Variants in NAA16 observed in about 807,000 individuals in gnomAD.
NAA16 encodes N-alpha-acetyltransferase 16, NatA auxiliary subunit, also known as NARG1-like protein.
NAA16 carries 97 observed loss-of-function variants against 110.3 expected under a neutral mutation model. The ratio of observed to expected loss-of-function variants is 0.88; its 90% CI spans 0.75 to 1.04. The LOEUF (loss-of-function observed/expected upper bound fraction) is 1.04. Ranked by LOEUF, NAA16 falls within the 50% of genes least tolerant of loss-of-function variation. The pLI, the probability that NAA16 is intolerant of heterozygous loss-of-function variation, is 0.00. For missense variants in NAA16, 1,017 were observed against 1,005.1 expected (o/e 1.01, Z -0.16); for synonymous variants, 372 against 330.6 (o/e 1.13, Z -1.36).
At chr13:41,371,288 G>A (rs2043311787) in intron 15 of NAA16, among the ~76,000 whole-genome samples, 1 of 152,138 alleles carries the variant, frequency 6.6e-6, no homozygotes. Flanking sequence ...ACTGTTTTTT[G>A]ACTTTTATGA....
chr13:41,350,171 A>G (rs539632079), intron 9 of NAA16, among the ~76,000 whole-genome samples: 8 of 151,600 alleles, frequency 5.3e-5, no homozygotes, highest in Middle Eastern at 3.4e-3. Flanking sequence ...CTGAGGTGGG[A>G]GAACCACTTG....
rs755751802 is a variant in NAA16 at position 41,318,864 on chromosome 13, T to C, written c.198T>C (p.Tyr66=). 3 of 1,604,006 alleles carry C rather than the reference T, an allele frequency of 1.9e-6. No homozygotes were observed. Among genetic ancestry groups the C allele is most frequent in the East Asian group, 2.2e-5 (1 of 44,532 alleles). ...LNCLGKKEEA[Y]EFVRKGLRND... ...GTTTAGGAAAAAAAGAAGAAGCTTA[T>C]GAGTTTGTTCGTAAAGGACTTCGTA... Residue 66 remains tyrosine, a synonymous_variant, in exon 3 of 20, where the codon TAT becomes TAC. Transcript: ENST00000379406.
Position 41,372,187 on chromosome 13 carries a change from TTC to T in NAA16, c.1948-14_1948-13del. On this transcript the variant is annotated splice_polypyrimidine_tract_variant and intron_variant, in intron 15 of 19. Coordinates refer to ENST00000379406, the MANE Select transcript of NAA16 (RefSeq NM_024561.5). ...CTGATGTTTTTTAAATAATTTTCCT[TTC>T]TGTTTCAAAATAGGTAGAAAATCCA... 6.7e-7 allele frequency: 1 copy of T among 1,502,200 alleles called. No individual in the cohort carries two copies. Among genetic ancestry groups the T allele is most frequent in the Non-Finnish European group, 9.0e-7 (1 of 1,116,826 alleles). 93.1% of individuals were successfully genotyped at this position (1,502,200 alleles called of 1,614,324 possible).
chr13:41,335,196 C>G (rs1283648331), intron 8 of NAA16, among the ~76,000 whole-genome samples: 20 of 134,148 alleles, frequency 1.5e-4, no homozygotes, highest in Non-Finnish European at 1.6e-5. Context: ...AATATTAACT[C>G]GAAAATATAA....
rs569047262 is a variant in NAA16 at position 41,372,138 on chromosome 13, A to G, written c.1948-65A>G. 41 of 1,295,960 alleles carry G rather than the reference A, an allele frequency of 3.2e-5. No individual in the cohort carries two copies. In the African/African-American group the frequency reaches 5.5e-4, roughly 17 times the overall value. 80.3% of individuals were successfully genotyped at this position (1,295,960 alleles called of 1,614,324 possible). On this transcript the variant is annotated intron_variant, in intron 15 of 19. Coordinates refer to ENST00000379406, the MANE Select transcript of NAA16 (RefSeq NM_024561.5). ...TACTTTAGACATATGTTAATATAAA[A>G]TTTTAGGGGAAATTTGACTTGTTCT...
intron 18 of NAA16, 128 bp downstream of exon 18, chr13:41,373,908 A>G: frequency 1.5e-6 from 2 of 1,375,742 alleles, no homozygotes; most frequent in Non-Finnish European, 1.9e-6. Context: ...AATGTGGACA[A>G]ATTTAAGTTA....
intron 12 of NAA16, among the ~76,000 whole-genome samples, chr13:41,360,186 C>G (rs907428262): frequency 1.3e-5 from 2 of 152,160 alleles, no homozygotes; most frequent in Non-Finnish European, 2.9e-5. Context: ...ATGAAGTATA[C>G]AGGTTGAGCA....
chr13:41,340,694 G>T (rs1460078640), intron 9 of NAA16, among the ~76,000 whole-genome samples: 1 of 92,996 alleles, frequency 1.1e-5, no homozygotes, highest in Non-Finnish European at 1.9e-5. Flanking sequence ...TTTTTTTTCC[G>T]AGACGGAGTC....
At chr13:41,312,805 A>G (rs2041669624) in intron 1 of NAA16, among the ~76,000 whole-genome samples, 1 of 152,044 alleles carries the variant, frequency 6.6e-6, no homozygotes, top group African/African-American at 2.4e-5. Context: ...TTTAAATATT[A>G]TGTGGTGCTT....
At chr13:41,343,292 A>T (rs1482678558) in intron 9 of NAA16, among the ~76,000 whole-genome samples, 1 of 151,934 alleles carries the variant, frequency 6.6e-6, no homozygotes. Context: ...GTCTTGCTGT[A>T]TTGTTCACGC....
Position 41,373,760 on chromosome 13 carries a change from C to T in NAA16, c.2279C>T (p.Ser760Phe). 1 of 1,604,786 alleles carries T rather than the reference C, an allele frequency of 6.2e-7. No individual in the cohort carries two copies. The highest frequency in any genetic ancestry group is 8.5e-7 in the Non-Finnish European group (1 of 1,177,146). Residue 760 changes from serine (S) to phenylalanine (F), a missense_variant, in exon 18 of 20, where the codon TCT (serine) becomes TTT (phenylalanine). Physicochemically the swap from Ser to Phe is radical, Grantham distance 155. Transcript: ENST00000379406. ...GATTTTCTGAAACGTAACGCTACCTCTCTTCAGCATCTACTTTCAGGTTTG... is the reference window on the plus strand; with the variant it reads ...GATTTTCTGAAACGTAACGCTACCTTTCTTCAGCATCTACTTTCAGGTTTG... Reference protein sequence around the residue: ...NEDFLKRNATSLQHLLSGAKM... With the variant: ...NEDFLKRNATFLQHLLSGAKM...
At chr13:41,346,025 CT>C (rs1165924298) in intron 9 of NAA16, among the ~76,000 whole-genome samples, 3 of 152,048 alleles carry the variant, frequency 2.0e-5, no homozygotes, top group Admixed American at 2.0e-4. Context: ...TCCAGCTTAT[CT>C]TTTTTTTCCT....
Position 41,338,621 on chromosome 13 carries a change from C to G in NAA16, c.1014+1865C>G, listed in dbSNP as rs192034652. ...ATTTAGTATAGTGAGAAAAAATTTG[C>G]AAGTCTAAGAACTGTTTCTCAAATA... On this transcript the variant is annotated intron_variant, in intron 9 of 19. Coordinates refer to ENST00000379406, the MANE Select transcript of NAA16 (RefSeq NM_024561.5). Among the ~76,000 whole-genome samples the G allele has an allele frequency of 6.6e-3, 1,003 of 152,248 alleles. 7 individuals carry two copies. The highest frequency in any genetic ancestry group is 0.012 in the Non-Finnish European group (814 of 68,020).
chr13:41,350,348 C>T (rs1593486634), intron 9 of NAA16, among the ~76,000 whole-genome samples: 1 of 150,466 alleles, frequency 6.6e-6, no homozygotes, highest in African/African-American at 2.5e-5. Context: ...GGCTGGAGTG[C>T]AGTGGTGTGA....
intron 13 of NAA16, among the ~76,000 whole-genome samples, chr13:41,366,909 C>T (rs2043218146): frequency 6.6e-6 from 1 of 152,122 alleles, no homozygotes; most frequent in Non-Finnish European, 1.5e-5. Flanking sequence ...AGAAGCTTAT[C>T]TCTTGAGTGG....
intron 9 of NAA16, among the ~76,000 whole-genome samples, chr13:41,338,327 T>G (rs975215578): frequency 6.6e-6 from 1 of 152,232 alleles, no homozygotes; most frequent in Admixed American, 6.5e-5. Flanking sequence ...TTCATAGGCA[T>G]AGGCTTTTTA....
At chr13:41,335,107 AG>A (rs1593449733) in intron 8 of NAA16, among the ~76,000 whole-genome samples, 1 of 152,364 alleles carries the variant, frequency 6.6e-6, no homozygotes, top group East Asian at 1.9e-4. Context: ...AAGTTGACCA[AG>A]GAGGAGTTCA....
Position 41,332,014 on chromosome 13 carries a change from A to G in NAA16, c.907+645A>G, listed in dbSNP as rs73457536. On this transcript the variant is annotated intron_variant, in intron 8 of 19. Transcript: ENST00000379406. ...AATTCCCTATAATTAGTGACAAATTATATGTGGTATCATGATTTGAGTGGT... is the reference window on the plus strand; with the variant it reads ...AATTCCCTATAATTAGTGACAAATTGTATGTGGTATCATGATTTGAGTGGT... Among the ~76,000 whole-genome samples, 968 of 152,268 alleles carry G rather than the reference A, an allele frequency of 6.4e-3. 9 individuals are homozygous for G. The highest frequency in any genetic ancestry group is 0.022 in the African/African-American group (925 of 41,544).
At position 41,365,414 on chromosome 13, in the gene NAA16, A is replaced by G. The variant is rs1041769880; in HGVS notation, c.1540-2025A>G. On this transcript the variant is annotated intron_variant, in intron 13 of 19. Coordinates refer to ENST00000379406, the MANE Select transcript of NAA16 (RefSeq NM_024561.5). ...GGGAAGGGTATACAGGACCTTTGCT[A>G]CTTCCTCTGTATCTATAACCCAAAA... is the stretch of plus-strand genomic sequence containing the variant. 4.6e-5 allele frequency among the ~76,000 whole-genome samples: 7 copies of G among 152,190 alleles called. 1 individual carries two copies. The highest frequency in any genetic ancestry group is 2.9e-5 in the Non-Finnish European group (2 of 68,022).
Sources: allele counts gnomAD v4.1 joint callset (sites outside exome capture counted in the v4.1 genomes callset), GRCh38; gene constraint gnomAD v4.1.1; transcripts MANE v1.5; gene names NCBI Gene and HGNC (gene_info 2026-07-23, HGNC 2026-07-21).